Variants in RBFOX1 observed in about 807,000 individuals in gnomAD.
RBFOX1 encodes the protein RNA binding protein fox-1 homolog 1.
In RBFOX1, 8 loss-of-function variants were observed where a neutral mutation model predicts 57.7. That is an observed-to-expected ratio of 0.14 (90% CI 0.08 to 0.25). RBFOX1 has a LOEUF of 0.25. Among genes scored for constraint, RBFOX1 ranks in the 10% least tolerant of loss-of-function variants. The pLI is 1.00. For synonymous variants in RBFOX1, 326 were observed against 222.4 expected (o/e 1.47, Z -4.15); for missense variants, 611 against 548.5 (o/e 1.11, Z -1.14).
intron 2 of RBFOX1, among the ~76,000 whole-genome samples, chr16:6,416,888 C>A (rs191557862): frequency 1.4e-4 from 22 of 152,234 alleles, no homozygotes; most frequent in African/African-American, 4.1e-4. Context: ...TGATGGATTC[C>A]CAATAAGTGT....
intron 3 of RBFOX1, among the ~76,000 whole-genome samples, chr16:7,038,118 G>C (rs1277207805): frequency 1.3e-5 from 2 of 152,158 alleles, no homozygotes; most frequent in Admixed American, 6.5e-5. Flanking sequence ...TCTGGATGTA[G>C]AGAGGGGGAT....
chr16:5,274,906 T>G (rs1469957125), intron 1 of RBFOX1, among the ~76,000 whole-genome samples: 1 of 152,226 alleles, frequency 6.6e-6, no homozygotes, highest in African/African-American at 2.4e-5. Context: ...TTAACTTCTA[T>G]TCTGCAGCAA....
At chr16:5,478,489 G>A (rs1434444329) in intron 2 of RBFOX1, among the ~76,000 whole-genome samples, 1 of 152,134 alleles carries the variant, frequency 6.6e-6, no homozygotes, top group Admixed American at 6.5e-5. Flanking sequence ...TGCATCTATA[G>A]CAAATCATCA....
intron 1 of RBFOX1, among the ~76,000 whole-genome samples, chr16:6,101,885 T>C (rs962475617): frequency 2.6e-5 from 4 of 152,164 alleles, no homozygotes; most frequent in Non-Finnish European, 4.4e-5. Context: ...GGCCAGATTG[T>C]CCGTTCCTGG....
At chr16:7,308,827 G>A (rs554998620) in intron 4 of RBFOX1, among the ~76,000 whole-genome samples, 21 of 152,312 alleles carry the variant, frequency 1.4e-4, no homozygotes, top group African/African-American at 5.1e-4. Context: ...ATAAATTTTG[G>A]AAACATTAGG....
chr16:7,632,374 C>G (rs1374973922), intron 11 of RBFOX1, among the ~76,000 whole-genome samples: 2 of 152,124 alleles, frequency 1.3e-5, no homozygotes, highest in East Asian at 3.9e-4. Flanking sequence ...AATGTGTGTG[C>G]ATGTATCTCC....
chr16:7,524,867 A>G (rs917828305), intron 5 of RBFOX1, among the ~76,000 whole-genome samples: 1 of 152,236 alleles, frequency 6.6e-6, no homozygotes, highest in African/African-American at 2.4e-5. Flanking sequence ...TCACTAAGGT[A>G]TAGGAAAAAC....
chr16:6,563,878 A>ATG lies in RBFOX1; in HGVS notation c.-63-90713_-63-90712dup, dbSNP rs903614109. Among the ~76,000 whole-genome samples the ATG allele has an allele frequency of 2.8e-4, 42 of 150,806 alleles. 1 individual carries two copies. In the South Asian group the frequency reaches 5.7e-3, roughly 20 times the overall value. ...TGTGTGTGTGTATGTATGTATATGT[A>ATG]TGTGTGTGTGTGTATATGTGCGTAT... is the stretch of plus-strand genomic sequence containing the variant. On this transcript the variant is annotated intron_variant, in intron 2 of 15. Coordinates refer to ENST00000550418, the MANE Select transcript of RBFOX1 (RefSeq NM_018723.4).
At chr16:6,060,746 A>G (rs1339283022) in intron 1 of RBFOX1, among the ~76,000 whole-genome samples, 1 of 152,222 alleles carries the variant, frequency 6.6e-6, no homozygotes, top group Non-Finnish European at 1.5e-5. Flanking sequence ...CAGAGAGTTC[A>G]GTCATAGAAC....
intron 2 of RBFOX1, among the ~76,000 whole-genome samples, chr16:5,522,351 T>C (rs1457330962): frequency 6.6e-6 from 1 of 152,236 alleles, no homozygotes; most frequent in African/African-American, 2.4e-5. Flanking sequence ...CATACATACA[T>C]AGGTCCTGGG....
intron 5 of RBFOX1, among the ~76,000 whole-genome samples, chr16:7,536,809 A>G (rs1251229183): frequency 2.0e-5 from 3 of 152,174 alleles, no homozygotes; most frequent in African/African-American, 4.8e-5. Context: ...GAGTATTTAC[A>G]CTATGGGCAT....
intron 4 of RBFOX1, among the ~76,000 whole-genome samples, chr16:7,092,864 T>A (rs1454604531): frequency 1.3e-5 from 2 of 152,204 alleles, no homozygotes; most frequent in Non-Finnish European, 2.9e-5. Context: ...ACATCCGCCT[T>A]TTCACAGTGA....
intron 4 of RBFOX1, among the ~76,000 whole-genome samples, chr16:7,137,948 A>C (rs2072509353): frequency 6.6e-6 from 1 of 152,184 alleles, no homozygotes; most frequent in Admixed American, 6.5e-5. Context: ...TATTTCAGTG[A>C]GTTAGCCTCT....
At chr16:7,419,823 C>G (rs1399456817) in intron 4 of RBFOX1, among the ~76,000 whole-genome samples, 3 of 152,010 alleles carry the variant, frequency 2.0e-5, no homozygotes, top group South Asian at 2.1e-4. Context: ...TTTCCAGATG[C>G]CTAATGGAGG....
At chr16:7,396,206 G>C (rs949863646) in intron 4 of RBFOX1, among the ~76,000 whole-genome samples, 5 of 152,136 alleles carry the variant, frequency 3.3e-5, no homozygotes, top group African/African-American at 1.2e-4. Context: ...ACCCTCTGCT[G>C]TGTCTCCAAG....
intron 4 of RBFOX1, among the ~76,000 whole-genome samples, chr16:7,264,403 CAA>C (rs2095049332): frequency 6.6e-6 from 1 of 152,208 alleles, no homozygotes; most frequent in South Asian, 2.1e-4. Context: ...CTCCAGCTTA[CAA>C]CAGATCTGGG....
chr16:6,746,519 A>G (rs1022006250), intron 3 of RBFOX1, among the ~76,000 whole-genome samples: 3 of 152,052 alleles, frequency 2.0e-5, no homozygotes, highest in Non-Finnish European at 2.9e-5. Flanking sequence ...TCAACAAAAA[A>G]TACAAAAAAT....
chr16:6,906,908 G>C (rs994505356), intron 3 of RBFOX1, among the ~76,000 whole-genome samples: 10 of 151,980 alleles, frequency 6.6e-5, no homozygotes, highest in Admixed American at 6.6e-5. Flanking sequence ...ATTTTTAGTA[G>C]AGATGGGGTT....
chr16:5,502,251 G>T (rs1309649693), intron 2 of RBFOX1, among the ~76,000 whole-genome samples: 1 of 152,172 alleles, frequency 6.6e-6, no homozygotes, highest in Non-Finnish European at 1.5e-5. Context: ...TCTTTAGGAA[G>T]AACGGCAGGG....
Sources: allele counts gnomAD v4.1 joint callset (sites outside exome capture counted in the v4.1 genomes callset), GRCh38; gene constraint gnomAD v4.1.1; transcripts MANE v1.5; gene names NCBI Gene and HGNC (gene_info 2026-07-23, HGNC 2026-07-21).